LTBP1: variants seen among roughly 807,000 people sequenced by gnomAD.
The protein encoded by LTBP1 is latent transforming growth factor beta binding protein 1, also known as latent-transforming growth factor beta-binding protein 1.
In LTBP1, 129 loss-of-function variants were observed where a neutral mutation model predicts 207.6. That is an observed-to-expected ratio of 0.62 (90% confidence interval 0.54 to 0.72). LTBP1 has a LOEUF of 0.72. LTBP1 is among the 30% of genes least tolerant of loss of function. The probability of loss-of-function intolerance (pLI) is 0.00; values close to 1 mark genes in which losing one functional copy is unlikely to be tolerated. For missense variants in LTBP1, 2,281 were observed against 2,217.2 expected (o/e 1.03, Z -0.58); for synonymous variants, 963 against 833.7 (o/e 1.16, Z -2.67).
intron 4 of LTBP1, among the ~76,000 whole-genome samples, chr2:33,129,386 G>A (rs1372315278): frequency 6.6e-6 from 1 of 151,990 alleles, no homozygotes; most frequent in Non-Finnish European, 1.5e-5. Flanking sequence ...GCAGCAACAG[G>A]GCACACACCT....
At chr2:33,364,975 G>A (rs1293931616) in intron 30 of LTBP1, among the ~76,000 whole-genome samples, 5 of 152,200 alleles carry the variant, frequency 3.3e-5, no homozygotes, top group Non-Finnish European at 7.3e-5. Flanking sequence ...GCTGTTACAT[G>A]GAAAGAAATG....
At chr2:33,310,586 G>A (rs180959243) in intron 23 of LTBP1, among the ~76,000 whole-genome samples, 16 of 152,210 alleles carry the variant, frequency 1.1e-4, no homozygotes, top group Admixed American at 2.6e-4. Context: ...CTAATGAGTG[G>A]TAAAGTTGAG....
intron 3 of LTBP1, among the ~76,000 whole-genome samples, chr2:33,049,349 A>T (rs2076610595): frequency 6.6e-6 from 1 of 152,248 alleles, no homozygotes; most frequent in Non-Finnish European, 1.5e-5. Flanking sequence ...GCTTTTGAGT[A>T]GTTAGTGTAT....
intron 20 of LTBP1, among the ~76,000 whole-genome samples, chr2:33,297,619 A>G (rs1165629739): frequency 1.3e-5 from 2 of 151,986 alleles, no homozygotes; most frequent in Non-Finnish European, 1.5e-5. Flanking sequence ...TTTAGTAGAG[A>G]TGGGGTTTCA....
At chr2:32,949,229 G>A (rs1676741594) in intron 2 of LTBP1, among the ~76,000 whole-genome samples, 1 of 152,116 alleles carries the variant, frequency 6.6e-6, no homozygotes, top group South Asian at 2.1e-4. Context: ...CAGGAGCTAG[G>A]AAAAAAATTT....
intron 5 of LTBP1, among the ~76,000 whole-genome samples, chr2:33,180,101 C>A (rs1356031800): frequency 6.6e-6 from 1 of 152,162 alleles, no homozygotes; most frequent in Admixed American, 6.6e-5. Flanking sequence ...GTATTCTTCC[C>A]CCTTTAGGTT....
chr2:33,078,022 G>A (rs2149824924), intron 3 of LTBP1, among the ~76,000 whole-genome samples: 1 of 152,236 alleles, frequency 6.6e-6, no homozygotes, highest in East Asian at 1.9e-4. Context: ...TGTTCATTCA[G>A]GAAGAGAGGC....
intron 3 of LTBP1, among the ~76,000 whole-genome samples, chr2:33,105,591 C>G (rs1007049586): frequency 6.6e-6 from 1 of 152,062 alleles, no homozygotes; most frequent in East Asian, 1.9e-4. Flanking sequence ...TGGCACCACA[C>G]CTGGCTAATT....
intron 28 of LTBP1, 124 bp from the exon 29 acceptor site, chr2:33,363,266 G>A (rs1335625168): frequency 7.5e-6 from 7 of 929,988 alleles, no homozygotes; most frequent in Non-Finnish European, 1.1e-5. Context: ...TGCTGTTTGT[G>A]TAGGATTCTT....
chr2:33,263,207 G>A (rs534685726), intron 14 of LTBP1, 87 bp from the exon 15 acceptor site: 1 of 803,082 alleles, frequency 1.2e-6, no homozygotes, highest in Non-Finnish European at 2.2e-6. Flanking sequence ...TATATTGCTA[G>A]ACTAAATTAT....
At chr2:33,142,737 G>C (rs906150493) in intron 5 of LTBP1, among the ~76,000 whole-genome samples, 2 of 152,260 alleles carry the variant, frequency 1.3e-5, no homozygotes, top group Non-Finnish European at 2.9e-5. Context: ...AGGGGTCCGT[G>C]GTTTGCCAGA....
chr2:33,002,658 T>C (rs2148988070), intron 2 of LTBP1, among the ~76,000 whole-genome samples: 1 of 152,122 alleles, frequency 6.6e-6, no homozygotes, highest in Non-Finnish European at 1.5e-5. Context: ...CTGAGCACTT[T>C]GGTTTTTTTG....
intron 20 of LTBP1, among the ~76,000 whole-genome samples, chr2:33,294,799 G>A (rs1164508098): frequency 6.6e-6 from 1 of 151,144 alleles, no homozygotes; most frequent in African/African-American, 2.4e-5. Context: ...GGCTGGTCTC[G>A]AACTCCTGAC....
intron 9 of LTBP1, among the ~76,000 whole-genome samples, chr2:33,243,335 G>C (rs2092399588): frequency 6.6e-6 from 1 of 152,192 alleles, no homozygotes; most frequent in Non-Finnish European, 1.5e-5. Context: ...TAGAGTGAGA[G>C]TCTTTGCCTT....
Position 33,257,334 on chromosome 2 carries a change from G to T in LTBP1, c.2218G>T (p.Val740Phe). ...TGGAATGGGTTATACGGTTTCTGGC[G>T]TTCATAGACGCAGGCCAATCCATCA... ...PGGMGYTVSG[V>F]HRRRPIHHHV... Residue 740 changes from valine to phenylalanine, a missense_variant, in exon 12 of 34, where the codon GTT (valine) becomes TTT (phenylalanine). Physicochemically the swap from Val to Phe is conservative, Grantham distance 50 (BLOSUM62 -1). Transcript: ENST00000404816. 4 of 1,614,154 alleles carry T rather than the reference G, an allele frequency of 2.5e-6. No homozygotes were observed. Among genetic ancestry groups the T allele is most frequent in the Non-Finnish European group, 3.4e-6 (4 of 1,180,022 alleles).
At chr2:32,986,705 C>A (rs1013907930) in intron 2 of LTBP1, among the ~76,000 whole-genome samples, 1 of 152,190 alleles carries the variant, frequency 6.6e-6, no homozygotes, top group Non-Finnish European at 1.5e-5. Context: ...GATCAGGATC[C>A]TGTCTCTCTC....
intron 3 of LTBP1, among the ~76,000 whole-genome samples, chr2:33,043,051 C>T (rs189566937): frequency 1.7e-3 from 253 of 152,308 alleles, no homozygotes; most frequent in Middle Eastern, 6.8e-3. Context: ...GGTTACAGAG[C>T]TCTTCTCAGC....
At chr2:33,303,078 T>C (rs933562321) in intron 22 of LTBP1, among the ~76,000 whole-genome samples, 1 of 151,980 alleles carries the variant, frequency 6.6e-6, no homozygotes, top group Non-Finnish European at 1.5e-5. Flanking sequence ...AAAGTTGTGT[T>C]TTAGGAACTC....
intron 3 of LTBP1, among the ~76,000 whole-genome samples, chr2:33,057,504 C>T (rs563552767): frequency 3.3e-5 from 5 of 152,304 alleles, no homozygotes; most frequent in South Asian, 4.1e-4. Flanking sequence ...AGGCTCAGGC[C>T]GCACAGGAGC....
Sources: gnomAD v4.1 joint callset for allele counts (sites outside exome capture counted in the v4.1 genomes callset) on GRCh38, gnomAD v4.1.1 for gene constraint, MANE v1.5 for transcripts, NCBI Gene and HGNC (gene_info 2026-07-23, HGNC 2026-07-21) for gene names.